ALDH3B1: variants seen among roughly 807,000 people sequenced by gnomAD.
ALDH3B1 encodes aldehyde dehydrogenase 3 family member B1.
Under a neutral mutation model 46.2 loss-of-function variants are expected in ALDH3B1, and 37 were observed. That is an observed-to-expected ratio of 0.80 (90% CI 0.62 to 1.05). ALDH3B1 has a LOEUF of 1.05. Ranked by LOEUF, ALDH3B1 falls within the 50% of genes least tolerant of loss-of-function variation. The probability of loss-of-function intolerance (pLI) is 0.00; values close to 1 mark genes in which losing one functional copy is unlikely to be tolerated. For synonymous variants in ALDH3B1, 283 were observed against 281.0 expected, an observed-to-expected ratio of 1.01 and a Z score of -0.07; for missense variants, 603 against 665.5, an observed-to-expected ratio of 0.91 and a Z score of 1.03.
In ALDH3B1 at chr11:68,019,174, C is replaced by G. The variant is rs758203380; in HGVS notation, c.399C>G (p.Asn133Lys). 4 of 1,612,356 alleles carry G rather than the reference C, an allele frequency of 2.5e-6. No individual in the cohort carries two copies. Among genetic ancestry groups the G allele is most frequent in the Non-Finnish European group, 3.4e-6 (4 of 1,179,360 alleles). Residue 133 changes from asparagine (N) to lysine (K), a missense_variant, in exon 5 of 10, where the codon AAC becomes AAG. Asn to Lys is a moderately conservative substitution (Grantham distance 94). Coordinates refer to ENST00000342456, the MANE Select transcript of ALDH3B1 (RefSeq NM_000694.4). ...TCTCCCTGCACTGCCCTGCAGGGAA[C>G]TGTGTGGTGCTGAAGCCATCGGAGA... ...VPLVGALAAGNCVVLKPSEIS... is the reference protein window; with the variant it reads ...VPLVGALAAGKCVVLKPSEIS...
chr11:68,025,344 G>A (rs1175467223), intron 8 of ALDH3B1: 1 of 152,206 alleles, frequency 6.6e-6, no homozygotes, highest in Admixed American at 6.5e-5. Flanking sequence ...TGTGATCAGA[G>A]GTTCACGGTG....
intron 2 of ALDH3B1, 78 bp downstream of exon 2, chr11:68,015,537 A>G: frequency 6.5e-7 from 1 of 1,529,462 alleles, no homozygotes; most frequent in Non-Finnish European, 8.9e-7. Flanking sequence ...CAGGGGATGA[A>G]GACACCTGCG....
rs1854666861 is a variant in ALDH3B1, at chr11:68,028,875, T to C, written c.*936T>C. The C allele has an allele frequency of 6.6e-6, 1 of 152,256 alleles. No homozygotes were observed. Among genetic ancestry groups the C allele is most frequent in the South Asian group, 2.1e-4 (1 of 4,848 alleles). 9.4% of individuals were successfully genotyped at this position (152,256 alleles called of 1,614,324 possible). The stretch of plus-strand genomic sequence containing the variant: ...TAGGGTCTCCCTTCCCTCCAGCCCA[T>C]GCCAGAGGAGCTTGTAACTCTTTAT... On this transcript the variant is annotated 3_prime_UTR_variant, in exon 10 of 10. Coordinates refer to ENST00000342456, the MANE Select transcript of ALDH3B1 (RefSeq NM_000694.4).
In ALDH3B1 at chr11:68,021,577, G is replaced by A. The variant is rs774560004; in HGVS notation, c.655G>A (p.Val219Met). 9.9e-6 allele frequency: 16 copies of A among 1,613,986 alleles called. No individual in the cohort carries two copies. Among genetic ancestry groups the A allele is most frequent in the African/African-American group, 2.7e-5 (2 of 74,924 alleles). Reference sequence around the variant, plus strand: ...GCTGGGGGGCAAGAACCCTTGCTACGTGGACGACAACTGCGACCCCCAGAC... The same window carrying A: ...GCTGGGGGGCAAGAACCCTTGCTACATGGACGACAACTGCGACCCCCAGAC... Reference protein sequence around the residue: ...LELGGKNPCYVDDNCDPQTVA... With the variant: ...LELGGKNPCYMDDNCDPQTVA... Residue 219 changes from valine (V) to methionine (M), a missense_variant, in exon 7 of 10, where the codon GTG becomes ATG. Transcript: ENST00000342456.
chr11:68,015,322 C>T lies in ALDH3B1; in HGVS notation c.25C>T (p.Arg9Trp), dbSNP rs147445707. The change falls in exon 2 of 10, where the codon CGG becomes TGG. Residue 9 changes from arginine (R) to tryptophan (W), a missense_variant. By Grantham distance (101) the Arg-to-Trp change is moderately radical. Transcript: ENST00000342456. ...GATGGACCCCCTTGGGGACACGCTG[C>T]GGCGACTGCGGGAGGCCTTCCACGC... is the stretch of plus-strand genomic sequence containing the variant. MDPLGDTLRRLREAFHAGR... is the reference protein window; with the variant it reads MDPLGDTLWRLREAFHAGR... 2.1e-4 allele frequency: 318 copies of T among 1,511,940 alleles called. 1 individual carries two copies. The highest frequency in any genetic ancestry group is 2.6e-4 in the Non-Finnish European group (289 of 1,124,370). The allele number at this position is 1,511,940 out of a possible 1,614,324, so 93.7% of individuals were successfully genotyped here. A position where few individuals can be genotyped will look rare whatever the true frequency, so the allele number is the denominator to read the frequency against.
At position 68,027,782 on chromosome 11, in the gene ALDH3B1, T is replaced by A; in HGVS notation, c.1250T>A (p.Phe417Tyr). 1 of 1,559,998 alleles carries A rather than the reference T, an allele frequency of 6.4e-7. No homozygotes were observed. Among genetic ancestry groups the A allele is most frequent in the Non-Finnish European group, 8.7e-7 (1 of 1,150,830 alleles). ...ASGMGRYHGK[F>Y]SFDTFSHHRA... ...GGGATGGGCCGGTACCATGGCAAGT[T>A]CTCCTTCGACACCTTCTCCCACCAT... Residue 417 changes from phenylalanine to tyrosine, a missense_variant, in exon 10 of 10, where the codon TTC (phenylalanine) becomes TAC (tyrosine). By Grantham distance (22) the Phe-to-Tyr change is conservative. Coordinates refer to ENST00000342456, the MANE Select transcript of ALDH3B1 (RefSeq NM_000694.4).
intron 6 of ALDH3B1, among the ~76,000 whole-genome samples, chr11:68,020,134 C>T (rs1299484152): frequency 1.3e-5 from 2 of 152,202 alleles, no homozygotes; most frequent in Non-Finnish European, 2.9e-5. Context: ...GGGACTGGGC[C>T]TCAGTGTCCT....
At chr11:68,020,900 C>T (rs894981991) in intron 6 of ALDH3B1, among the ~76,000 whole-genome samples, 11 of 152,126 alleles carry the variant, frequency 7.2e-5, no homozygotes, top group South Asian at 2.1e-4. Flanking sequence ...TGTGTGCATG[C>T]GGAGACTGCT....
At chr11:68,027,578 G>A (rs1041953185) in intron 9 of ALDH3B1, among the ~76,000 whole-genome samples, 171 bp from the exon 10 acceptor site, 1 of 152,178 alleles carries the variant, frequency 6.6e-6, no homozygotes, top group African/African-American at 2.4e-5. Context: ...GGCTTACTGA[G>A]CTGGTGCCAA....
intron 7 of ALDH3B1, among the ~76,000 whole-genome samples, chr11:68,022,177 T>C (rs1216282633): frequency 1.3e-5 from 2 of 152,190 alleles, no homozygotes; most frequent in African/African-American, 4.8e-5. Flanking sequence ...TAACCTCAGA[T>C]TCTCCGAGCC....
rs1418171023 is a variant in ALDH3B1 at position 68,022,507 on chromosome 11, G to A, written c.950-88G>A. 4 of 1,509,646 alleles carry A rather than the reference G, an allele frequency of 2.6e-6. No individual in the cohort carries two copies. In the South Asian group the frequency reaches 3.7e-5, roughly 14 times the overall value. The allele number at this position is 1,509,646 out of a possible 1,614,324, so 93.5% of individuals were successfully genotyped here. On this transcript the variant is annotated intron_variant, in intron 7 of 9. Transcript: ENST00000342456. ...CCTTGGGATCCTGGCCTAGAGCCCT[G>A]GCCTGTGGCCCTGTCCCCACCTCTA...
chr11:68,018,209 C>T (rs529328311), intron 2 of ALDH3B1: 1 of 384,538 alleles, frequency 2.6e-6, no homozygotes, highest in Non-Finnish European at 4.8e-6. Flanking sequence ...CGCCCACAGC[C>T]ACACGCTCCA....
rs771930196 is a variant in ALDH3B1 at position 68,019,800 on chromosome 11, A to C, written c.562+4A>C. ...TTCGACTACATCTTCTTCACAGGTG[A>C]GGCCGGGACGAGGGTCGGGACAGGC... On this transcript the variant is annotated splice_donor_region_variant and intron_variant, in intron 6 of 9. Coordinates refer to ENST00000342456, the MANE Select transcript of ALDH3B1 (RefSeq NM_000694.4). 15 of 1,613,750 alleles carry C rather than the reference A, an allele frequency of 9.3e-6. No homozygotes were observed. The highest frequency in any genetic ancestry group is 1.3e-5 in the Non-Finnish European group (15 of 1,179,856).
intron 1 of ALDH3B1, among the ~76,000 whole-genome samples, chr11:68,013,152 C>T (rs575893950): frequency 6.6e-6 from 1 of 152,160 alleles, no homozygotes; most frequent in East Asian, 1.9e-4. Flanking sequence ...AGGCAGAAGG[C>T]GGCCTTGGCT....
intron 8 of ALDH3B1, among the ~76,000 whole-genome samples, chr11:68,023,306 T>C (rs1857549545): frequency 6.9e-6 from 1 of 145,202 alleles, no homozygotes; most frequent in Admixed American, 6.8e-5. Context: ...ACTTGAACTT[T>C]TTTTTTTTTT....
chr11:68,010,160 G>A (rs541915624), upstream of ALDH3B1, among the ~76,000 whole-genome samples: 10 of 152,274 alleles, frequency 6.6e-5, no homozygotes, highest in Non-Finnish European at 1.0e-4. Context: ...CCCTCTGGGC[G>A]TTGACTTCTT....
chr11:68,026,910 C>G (rs553354774), intron 9 of ALDH3B1, among the ~76,000 whole-genome samples: 1 of 152,164 alleles, frequency 6.6e-6, no homozygotes, highest in Admixed American at 6.5e-5. Flanking sequence ...CCCCCGACCC[C>G]ACCTAGCTGC....
intron 3 of ALDH3B1, 58 bp downstream of exon 3, chr11:68,018,695 T>C (rs377044666): frequency 2.3e-5 from 35 of 1,548,930 alleles, no homozygotes; most frequent in African/African-American, 8.2e-5. Context: ...TCCCACAGGG[T>C]GGCCCCTCTG....
At chr11:68,016,230 G>A (rs55759735) in intron 2 of ALDH3B1, 27,379 of 152,528 alleles carry the variant, frequency 0.18, 2,952 homozygotes, top group Non-Finnish European at 0.23. Flanking sequence ...GAGCAGAGAC[G>A]TGAAGATGGA....
Sources: allele counts gnomAD v4.1 joint callset (sites outside exome capture counted in the v4.1 genomes callset), GRCh38; gene constraint gnomAD v4.1.1; transcripts MANE v1.5; gene names NCBI Gene and HGNC (gene_info 2026-07-23, HGNC 2026-07-21).